The following TTLL4 variants were observed in gnomAD, a reference collection of about 807,000 sequenced individuals.
TTLL4 encodes tubulin monoglutamylase TTLL4.
Under a neutral mutation model 122.7 loss-of-function variants are expected in TTLL4, and 85 were observed. The ratio of observed to expected loss-of-function variants is 0.69; its 90% CI spans 0.58 to 0.83. The LOEUF is 0.83. TTLL4 is among the 40% of genes least tolerant of loss of function. TTLL4 has a pLI of 0.00. For synonymous variants in TTLL4, 553 were observed against 563.0 expected (o/e 0.98, Z 0.25); for missense variants, 1,363 against 1,488.6 (o/e 0.92, Z 1.39).
In TTLL4 at chr2:218,737,847, GAAGC is replaced by G; in HGVS notation, c.175_178del (p.Gln59TrpfsTer158). 6.2e-7 allele frequency: 1 copy of G among 1,614,256 alleles called. No homozygotes were observed. The highest frequency in any genetic ancestry group is 8.5e-7 in the Non-Finnish European group (1 of 1,180,046). On this transcript the variant is annotated frameshift_variant, in exon 3 of 20. Coordinates refer to ENST00000392102, the MANE Select transcript of TTLL4 (RefSeq NM_014640.5). LOFTEE classifies it high-confidence loss of function. The stretch of plus-strand genomic sequence containing the variant: ...TGAAGCCAATCTGGAAGCTGGAAAA[GAAGC>G]AAGTGGAGACACTGTCAGCAGGGTT...
chr2:218,748,475 C>T lies in TTLL4; in HGVS notation c.2501+248C>T, dbSNP rs909708512. The T allele has an allele frequency of 1.8e-5, 9 of 496,926 alleles. No individual in the cohort carries two copies. In the South Asian group the frequency reaches 1.9e-4, roughly 11 times the overall value. The allele number at this position is 496,926 out of a possible 1,614,324, so 30.8% of individuals were successfully genotyped here. On this transcript the variant is annotated intron_variant, in intron 12 of 19. Transcript: ENST00000392102. ...TACAGGACCAGCCTGGCCAACATGGCGAAGCCCTGCGTCTACTAAAAATAC... is the reference window on the plus strand; with the variant it reads ...TACAGGACCAGCCTGGCCAACATGGTGAAGCCCTGCGTCTACTAAAAATAC...
chr2:218,718,852 G>A (rs999714480), intron 1 of TTLL4, among the ~76,000 whole-genome samples: 5 of 152,136 alleles, frequency 3.3e-5, no homozygotes, highest in Non-Finnish European at 5.9e-5. Context: ...GTTTTAAAGG[G>A]GAGAGTCTGG....
intron 1 of TTLL4, among the ~76,000 whole-genome samples, chr2:218,714,456 T>G (rs1217121969): frequency 1.3e-5 from 2 of 152,230 alleles, no homozygotes; most frequent in African/African-American, 4.8e-5. Flanking sequence ...ATCAGGTGCT[T>G]TGGTAAATCA....
chr2:218,758,087 A>G (rs1460179399), downstream of TTLL4, among the ~76,000 whole-genome samples: 1 of 152,160 alleles, frequency 6.6e-6, no homozygotes, highest in Non-Finnish European at 1.5e-5. Context: ...ATGCCAGCTC[A>G]TTTGGCTTGC....
rs752542490 is a variant in TTLL4, at chr2:218,750,069, G to C, written c.2796G>C (p.Leu932=). The change falls in exon 15 of 20, where the codon CTG becomes CTC. Residue 932 remains leucine (L), a synonymous_variant. Transcript: ENST00000392102. ...SIKGQMIRDL[L]NLAGFVLPNA... The stretch of plus-strand genomic sequence containing the variant: ...AAGGCCAGATGATTCGTGACCTTCT[G>C]AATCTGGCAGGTTTTGTCCTGCCCA... The C allele has an allele frequency of 1.2e-6, 2 of 1,614,108 alleles. No homozygotes were observed. The highest frequency in any genetic ancestry group is 1.7e-6 in the Non-Finnish European group (2 of 1,179,994).
At chr2:218,758,893 A>G (rs927201351), downstream of TTLL4, among the ~76,000 whole-genome samples, 1 of 152,242 alleles carries the variant, frequency 6.6e-6, no homozygotes, top group African/African-American at 2.4e-5. Flanking sequence ...ATGTCCAACA[A>G]TCAGTGAATT....
intron 15 of TTLL4, among the ~76,000 whole-genome samples, chr2:218,751,120 T>A (rs1943003195): frequency 6.6e-6 from 1 of 152,160 alleles, no homozygotes; most frequent in South Asian, 2.1e-4. Context: ...ATTTGCCTGA[T>A]AACAAAACTT....
intron 1 of TTLL4, among the ~76,000 whole-genome samples, chr2:218,717,956 G>A (rs1047215981): frequency 1.3e-5 from 2 of 152,080 alleles, no homozygotes; most frequent in Non-Finnish European, 2.9e-5. Context: ...CTGCCACCAC[G>A]CCTTTTGTAT....
chr2:218,749,308 T>C lies in TTLL4; in HGVS notation c.2656T>C (p.Cys886Arg). The part of the protein sequence containing the change: ...LKMYVRRPYS[C>R]HELFGFDIML... ...GATGTATGTGCGACGGCCCTATAGC[T>C]GCCATGAACTCTTTGGTTTTGACAT... Residue 886 changes from cysteine to arginine, a missense_variant, in exon 14 of 20, where the codon TGC (cysteine) becomes CGC (arginine). Physicochemically the swap from Cys to Arg is radical, Grantham distance 180. Around this residue, in one of 3 missense-constraint regions of TTLL4, gnomAD observed 596 missense variants for 655.8 expected, o/e 0.91. Coordinates refer to ENST00000392102, the MANE Select transcript of TTLL4 (RefSeq NM_014640.5). 1 of 1,614,106 alleles carries C rather than the reference T, an allele frequency of 6.2e-7. No individual in the cohort carries two copies. Among genetic ancestry groups the C allele is most frequent in the Non-Finnish European group, 8.5e-7 (1 of 1,180,018 alleles).
At chr2:218,752,303 T>A (rs1401894109) in intron 16 of TTLL4, among the ~76,000 whole-genome samples, 1 of 152,044 alleles carries the variant, frequency 6.6e-6, no homozygotes, top group East Asian at 1.9e-4. Flanking sequence ...TCTGGGAGAG[T>A]GTTAATTGTC....
At chr2:218,741,446 C>T (rs991516010) in intron 5 of TTLL4, among the ~76,000 whole-genome samples, 1 of 152,204 alleles carries the variant, frequency 6.6e-6, no homozygotes, top group Non-Finnish European at 1.5e-5. Flanking sequence ...AGTGAGCCTT[C>T]TCTGCCTCGT....
At chr2:218,745,586 C>T in intron 6 of TTLL4, 105 bp from the exon 7 acceptor site, 1 of 785,764 alleles carries the variant, frequency 1.3e-6, no homozygotes, top group Non-Finnish European at 2.2e-6. Context: ...TAGTGACTTG[C>T]CTGCCCAGGG....
At chr2:218,748,434 C>CA (rs1168458239) in intron 12 of TTLL4, 2 of 704,212 alleles carry the variant, frequency 2.8e-6, no homozygotes, top group Non-Finnish European at 4.4e-6. Context: ...GTGGGTGGAT[C>CA]ACCTGAGTTC....
chr2:218,721,708 A>G (rs1942045401), intron 1 of TTLL4, among the ~76,000 whole-genome samples: 2 of 152,224 alleles, frequency 1.3e-5, no homozygotes, highest in African/African-American at 4.8e-5. Context: ...CAAATATTTA[A>G]TGAGCCCTGA....
chr2:218,738,869 G>T lies in TTLL4; in HGVS notation c.1193G>T (p.Arg398Leu). The change falls in exon 3 of 20, where the codon CGG (arginine) becomes CTG (leucine). Residue 398 changes from arginine (R) to leucine (L), a missense_variant. By Grantham distance (102) the Arg-to-Leu change is moderately radical. Transcript: ENST00000392102. Reference protein sequence around the residue: ...FPQEDAGSVRRVLPGASDTLG... With the variant: ...FPQEDAGSVRLVLPGASDTLG... ...CAGGAGGATGCTGGATCGGTCAGGC[G>T]GGTCCTCCCTGGTGCCTCAGATACC... is the stretch of plus-strand genomic sequence containing the variant. The T allele has an allele frequency of 6.2e-7, 1 of 1,614,164 alleles. No individual in the cohort carries two copies.
rs1197837526 is a variant in TTLL4, at chr2:218,745,165, C to G, written c.1718C>G (p.Pro573Arg). The G allele has an allele frequency of 6.2e-7, 1 of 1,614,066 alleles. No homozygotes were observed. Among genetic ancestry groups the G allele is most frequent in the Admixed American group, 1.7e-5 (1 of 60,006 alleles). Residue 573 changes from proline (P) to arginine (R), a missense_variant, in exon 6 of 20, where the codon CCA becomes CGA. Around this residue, in one of 3 missense-constraint regions of TTLL4, gnomAD observed 760 missense variants for 808.4 expected, o/e 0.94. Transcript: ENST00000392102. ...TCCAATCATGAGAAAGTTGTCCGAC[C>G]AGCCCTCATCTACAGTCTCTTTCCC... Reference protein sequence around the residue: ...PLSNHEKVVRPALIYSLFPNV... With the variant: ...PLSNHEKVVRRALIYSLFPNV...
chr2:218,746,328 G>A, intron 8 of TTLL4, 97 bp downstream of exon 8: 1 of 1,351,116 alleles, frequency 7.4e-7, no homozygotes, highest in Non-Finnish European at 1.1e-6. Context: ...GGAAGAGGAT[G>A]ATGACCATGG....
At chr2:218,735,225 T>C (rs1481216826) in intron 2 of TTLL4, among the ~76,000 whole-genome samples, 1 of 152,126 alleles carries the variant, frequency 6.6e-6, no homozygotes, top group Non-Finnish European at 1.5e-5. Context: ...TACAAGGTAC[T>C]CTCCCCATTT....
intron 13 of TTLL4, 36 bp from the exon 14 acceptor site, chr2:218,749,217 G>T (rs1484515422): frequency 1.2e-6 from 2 of 1,612,340 alleles, no homozygotes; most frequent in Non-Finnish European, 8.5e-7. Flanking sequence ...CCTCTGGGAG[G>T]AGCTGAACTG....
Sources: allele counts gnomAD v4.1 joint callset (sites outside exome capture counted in the v4.1 genomes callset), GRCh38; gene constraint gnomAD v4.1.1; regional missense constraint gnomAD v4.1.1; transcripts MANE v1.5; gene names NCBI Gene and HGNC (gene_info 2026-07-23, HGNC 2026-07-21).